Variants in WASF2 observed in about 807,000 individuals in gnomAD.
WASF2 encodes the protein actin-binding protein WASF2.
WASF2 carries 14 observed loss-of-function variants against 45.0 expected under a neutral mutation model. The ratio of observed to expected loss-of-function variants is 0.31; its 90% CI spans 0.21 to 0.49. The LOEUF (loss-of-function observed/expected upper bound fraction) is 0.49, where lower values mean the gene tolerates loss of function less well. WASF2 is among the 20% of genes least tolerant of loss of function. The pLI is 0.99. For missense variants in WASF2, 439 were observed against 636.1 expected (o/e 0.69, Z 3.33); for synonymous variants, 200 against 236.3 (o/e 0.85, Z 1.41).
chr1:27,478,814 C>T (rs1387638801), intron 1 of WASF2, among the ~76,000 whole-genome samples: 1 of 151,962 alleles, frequency 6.6e-6, no homozygotes, highest in Non-Finnish European at 1.5e-5. Context: ...CAATTCCCGA[C>T]CTCAGGTGAT....
intron 2 of WASF2, among the ~76,000 whole-genome samples, chr1:27,427,983 AT>A (rs1034910333): frequency 3.9e-5 from 6 of 152,120 alleles, no homozygotes; most frequent in African/African-American, 1.4e-4. Context: ...TCCAAACCAC[AT>A]GCATGTACCC....
intron 1 of WASF2, among the ~76,000 whole-genome samples, chr1:27,454,187 A>T (rs9438515): frequency 0.03 from 378 of 12,716 alleles, 8 homozygotes; most frequent in South Asian, 0.14. Context: ...ATATATATAT[A>T]TTTTTTTTTT....
At chr1:27,437,857 A>T (rs555537896) in intron 1 of WASF2, among the ~76,000 whole-genome samples, 8 of 152,318 alleles carry the variant, frequency 5.3e-5, no homozygotes, top group African/African-American at 1.9e-4. Flanking sequence ...AACATGAAAA[A>T]CAACTAAGCT....
intron 2 of WASF2, among the ~76,000 whole-genome samples, chr1:27,422,041 A>G (rs1466530297): frequency 3.4e-5 from 5 of 148,996 alleles, no homozygotes; most frequent in African/African-American, 1.2e-4. Flanking sequence ...TGGAGGGGGA[A>G]AAAAAAAAAA....
intron 4 of WASF2, among the ~76,000 whole-genome samples, chr1:27,416,446 CAG>C (rs1234093502): frequency 2.6e-5 from 4 of 152,200 alleles, no homozygotes; most frequent in Non-Finnish European, 5.9e-5. Context: ...CCTGGTACAT[CAG>C]AGGGGATTTC....
At chr1:27,428,052 G>A (rs1385804056) in intron 2 of WASF2, among the ~76,000 whole-genome samples, 1 of 152,114 alleles carries the variant, frequency 6.6e-6, no homozygotes, top group Non-Finnish European at 1.5e-5. Context: ...AGTTGAGCTG[G>A]CTTTCCTTCA....
intron 1 of WASF2, among the ~76,000 whole-genome samples, chr1:27,489,366 C>CACAA (rs2017995982): frequency 7.1e-6 from 1 of 140,724 alleles, no homozygotes; most frequent in Admixed American, 7.1e-5. Context: ...CACACACACA[C>CACAA]ACACACACAC....
chr1:27,427,919 C>T (rs1022702068), intron 2 of WASF2, among the ~76,000 whole-genome samples: 10 of 152,080 alleles, frequency 6.6e-5, no homozygotes, highest in African/African-American at 1.9e-4. Flanking sequence ...CAAGCATCTG[C>T]CCTTCCCATA....
At chr1:27,454,348 G>A (rs1421876033) in intron 1 of WASF2, among the ~76,000 whole-genome samples, 1 of 149,824 alleles carries the variant, frequency 6.7e-6, no homozygotes. Context: ...GTGCCACCAT[G>A]CCCAACTAAT....
intron 1 of WASF2, among the ~76,000 whole-genome samples, chr1:27,468,294 C>T (rs2148135785): frequency 6.6e-6 from 1 of 151,960 alleles, no homozygotes; most frequent in Admixed American, 6.5e-5. Flanking sequence ...GGGAGAATTA[C>T]ACAACTTTGT....
chr1:27,456,688 GAAGTT>G (rs1221427655), intron 1 of WASF2, among the ~76,000 whole-genome samples: 1 of 151,046 alleles, frequency 6.6e-6, no homozygotes, highest in African/African-American at 2.4e-5. Context: ...TCCTCTGGAA[GAAGTT>G]AAGTAAAACT....
chr1:27,428,186 T>C (rs2017013180), intron 2 of WASF2, among the ~76,000 whole-genome samples: 1 of 152,124 alleles, frequency 6.6e-6, no homozygotes, highest in South Asian at 2.1e-4. Flanking sequence ...ACTGCAGAAG[T>C]AATCTGTACC....
intron 1 of WASF2, among the ~76,000 whole-genome samples, chr1:27,462,482 G>A (rs1356256416): frequency 6.6e-6 from 1 of 151,858 alleles, no homozygotes; most frequent in Non-Finnish European, 1.5e-5. Flanking sequence ...AACAAAAAAA[G>A]AGAGAGAGAG....
intron 8 of WASF2, among the ~76,000 whole-genome samples, 180 bp from the exon 9 acceptor site, chr1:27,408,526 AC>A (rs1414536040): frequency 6.6e-6 from 1 of 152,228 alleles, no homozygotes; most frequent in Admixed American, 6.5e-5. Flanking sequence ...CCCTGATGTC[AC>A]AGGTGTGTCT....
chr1:27,418,759 G>C (rs536767035), intron 3 of WASF2, among the ~76,000 whole-genome samples, 195 bp downstream of exon 3: 114 of 152,272 alleles, frequency 7.5e-4, no homozygotes, highest in Middle Eastern at 3.4e-3. Context: ...GGGAATGGGA[G>C]AAAGGAGTGC....
intron 1 of WASF2, among the ~76,000 whole-genome samples, chr1:27,475,873 C>T (rs919893840): frequency 2.0e-5 from 3 of 152,184 alleles, no homozygotes; most frequent in Admixed American, 6.5e-5. Flanking sequence ...AGTGATCTGC[C>T]TACGTTAGCC....
Position 27,414,999 on chromosome 1 carries a change from C to A in WASF2, c.538-36G>T, listed in dbSNP as rs115866203. 0.011 allele frequency: 17,801 copies of A among 1,607,764 alleles called. 116 individuals are homozygous for A. Among genetic ancestry groups the A allele is most frequent in the Non-Finnish European group, 0.013 (14,857 of 1,176,466 alleles). On this transcript the variant is annotated intron_variant, in intron 5 of 8. Transcript: ENST00000618852. The surrounding 1 kb of genome is among the most constrained non-coding windows in gnomAD (Gnocchi z 4.1). Reference sequence around the variant, plus strand: ...AAGGAACAGGAAGGTCTTTGTAGAACATTTTCCAAGTTCTTCATTAAAATT... The same window carrying A: ...AAGGAACAGGAAGGTCTTTGTAGAAAATTTTCCAAGTTCTTCATTAAAATT...
At chr1:27,439,126 C>T (rs1193924162) in intron 1 of WASF2, among the ~76,000 whole-genome samples, 4 of 152,184 alleles carry the variant, frequency 2.6e-5, no homozygotes, top group Non-Finnish European at 5.9e-5. Flanking sequence ...GGTTTCACTC[C>T]ACCACTGCCA....
intron 1 of WASF2, among the ~76,000 whole-genome samples, chr1:27,444,510 AC>A (rs1424741322): frequency 3.3e-5 from 5 of 152,182 alleles, no homozygotes; most frequent in Non-Finnish European, 5.9e-5. Context: ...GTTTATATGG[AC>A]CTACCTCCTA....
Sources: allele counts gnomAD v4.1 joint callset (sites outside exome capture counted in the v4.1 genomes callset), GRCh38; gene constraint gnomAD v4.1.1; non-coding constraint Gnocchi (gnomAD v3.1); transcripts MANE v1.5; gene names NCBI Gene and HGNC (gene_info 2026-07-23, HGNC 2026-07-21).